MMP16: variants seen among roughly 807,000 people sequenced by gnomAD.
MMP16 encodes matrix metalloproteinase-16.
MMP16 carries 12 observed loss-of-function variants against 67.8 expected under a neutral mutation model. That is an observed-to-expected ratio of 0.18 (90% CI 0.11 to 0.29). The LOEUF (loss-of-function observed/expected upper bound fraction) is 0.29, where lower values mean the gene tolerates loss of function less well. MMP16 is among the 10% of genes least tolerant of loss of function. MMP16 has a pLI of 1.00. For missense variants in MMP16, 475 were observed against 765.7 expected, an observed-to-expected ratio of 0.62 and a Z score of 4.48; for synonymous variants, 249 against 255.9, an observed-to-expected ratio of 0.97 and a Z score of 0.26.
rs182641793 is a variant in MMP16, at chr8:88,156,906, T to C, written c.709+10763A>G. On this transcript the variant is annotated intron_variant, in intron 4 of 9. Transcript: ENST00000286614. ...ATAATGGATAATAGGGCAAAATATG[T>C]ATGAATTATGATTAAGCAACTTACC... Among the ~76,000 whole-genome samples the C allele has an allele frequency of 9.9e-4, 151 of 152,228 alleles. 2 individuals are homozygous for C. Among genetic ancestry groups the C allele is most frequent in the African/African-American group, 3.4e-3 (140 of 41,554 alleles).
chr8:88,220,780 C>T (rs1167557641), intron 1 of MMP16, among the ~76,000 whole-genome samples: 1 of 152,064 alleles, frequency 6.6e-6, no homozygotes. Flanking sequence ...CTCTGTTCCA[C>T]CCAAACTATT....
intron 4 of MMP16, among the ~76,000 whole-genome samples, chr8:88,155,722 G>T (rs979090060): frequency 1.3e-5 from 2 of 152,188 alleles, no homozygotes; most frequent in South Asian, 2.1e-4. Flanking sequence ...CCACATGACA[G>T]ATTCAGTTTG....
chr8:88,141,356 T>C (rs1318616909), intron 4 of MMP16, among the ~76,000 whole-genome samples: 1 of 152,162 alleles, frequency 6.6e-6, no homozygotes, highest in Non-Finnish European at 1.5e-5. Context: ...TAAGAAAGTA[T>C]ATAAATCAGT....
chr8:88,265,232 T>TTTTTTTC, intron 1 of MMP16, among the ~76,000 whole-genome samples: 1 of 146,632 alleles, frequency 6.8e-6, no homozygotes, highest in Non-Finnish European at 1.5e-5. Flanking sequence ...CCTTTTTTTT[T>TTTTTTTC]TTTTTTTTTT....
At chr8:88,240,194 A>G (rs1432462651) in intron 1 of MMP16, among the ~76,000 whole-genome samples, 2 of 152,238 alleles carry the variant, frequency 1.3e-5, no homozygotes, top group African/African-American at 2.4e-5. Flanking sequence ...CCTAAGGTCA[A>G]CTGGTCACTA....
At chr8:88,234,060 T>G (rs1809904188) in intron 1 of MMP16, among the ~76,000 whole-genome samples, 1 of 152,214 alleles carries the variant, frequency 6.6e-6, no homozygotes, top group Non-Finnish European at 1.5e-5. Flanking sequence ...AACCTAGCAA[T>G]GAATCATTAA....
intron 4 of MMP16, among the ~76,000 whole-genome samples, chr8:88,149,688 A>T (rs1323772357): frequency 4.6e-5 from 7 of 151,666 alleles, no homozygotes; most frequent in African/African-American, 1.7e-4. Context: ...CAGAAAGGAC[A>T]TCCACACCAA....
intron 4 of MMP16, among the ~76,000 whole-genome samples, chr8:88,159,241 A>G (rs954498700): frequency 6.6e-6 from 1 of 152,132 alleles, no homozygotes; most frequent in African/African-American, 2.4e-5. Flanking sequence ...CATTGAATCT[A>G]TAAATTACCT....
chr8:88,100,397 C>T (rs888841718), intron 6 of MMP16, among the ~76,000 whole-genome samples: 2 of 151,920 alleles, frequency 1.3e-5, no homozygotes, highest in Admixed American at 6.6e-5. Context: ...CACTGGTCAT[C>T]AGAGAAATGC....
At chr8:88,196,444 T>A (rs1415631344) in intron 2 of MMP16, among the ~76,000 whole-genome samples, 1 of 152,152 alleles carries the variant, frequency 6.6e-6, no homozygotes, top group Non-Finnish European at 1.5e-5. Flanking sequence ...TAAGCTCCTT[T>A]GATGAAGAGA....
At chr8:88,162,481 A>T (rs926153666) in intron 4 of MMP16, among the ~76,000 whole-genome samples, 1 of 152,068 alleles carries the variant, frequency 6.6e-6, no homozygotes, top group Non-Finnish European at 1.5e-5. Flanking sequence ...AATCTTAATA[A>T]GTTATCTTAC....
chr8:88,300,052 T>C (rs1811073701), intron 1 of MMP16, among the ~76,000 whole-genome samples: 1 of 152,172 alleles, frequency 6.6e-6, no homozygotes. Context: ...CCAAGAAACA[T>C]ACACATTAAA....
At chr8:88,255,480 GAC>G (rs1178201699) in intron 1 of MMP16, among the ~76,000 whole-genome samples, 1 of 152,006 alleles carries the variant, frequency 6.6e-6, no homozygotes, top group African/African-American at 2.4e-5. Flanking sequence ...CAAACTCGAA[GAC>G]ACACACACAA....
intron 1 of MMP16, among the ~76,000 whole-genome samples, chr8:88,210,638 C>G (rs1213921585): frequency 6.6e-6 from 1 of 152,126 alleles, no homozygotes; most frequent in African/African-American, 2.4e-5. Flanking sequence ...AGATTAGCAG[C>G]TTCCCAGGCA....
chr8:88,133,641 C>T (rs1808070311), intron 4 of MMP16, among the ~76,000 whole-genome samples: 1 of 151,728 alleles, frequency 6.6e-6, no homozygotes, highest in Admixed American at 6.6e-5. Context: ...ATATTAATGA[C>T]TCTTAAGTCT....
intron 6 of MMP16, among the ~76,000 whole-genome samples, chr8:88,083,153 T>G (rs1399881961): frequency 1.3e-5 from 2 of 152,090 alleles, no homozygotes; most frequent in African/African-American, 4.8e-5. Context: ...TTAATTAATG[T>G]TACATTTGGA....
intron 6 of MMP16, among the ~76,000 whole-genome samples, chr8:88,080,089 C>T (rs923260289): frequency 3.3e-5 from 5 of 152,172 alleles, no homozygotes; most frequent in African/African-American, 1.2e-4. Context: ...GTCATTTCTT[C>T]CACCTACTCC....
At chr8:88,265,161 T>A (rs1474582952) in intron 1 of MMP16, among the ~76,000 whole-genome samples, 2 of 151,270 alleles carry the variant, frequency 1.3e-5, no homozygotes, top group Non-Finnish European at 2.9e-5. Flanking sequence ...TGAGTATTGA[T>A]TCTCACCAGC....
intron 1 of MMP16, among the ~76,000 whole-genome samples, chr8:88,315,368 C>T (rs1477079620): frequency 6.6e-6 from 1 of 151,880 alleles, no homozygotes; most frequent in East Asian, 1.9e-4. Flanking sequence ...TAACACCTAC[C>T]AAATTTATTT....
Sources: gnomAD v4.1 joint callset for allele counts (sites outside exome capture counted in the v4.1 genomes callset) on GRCh38, gnomAD v4.1.1 for gene constraint, MANE v1.5 for transcripts, NCBI Gene and HGNC (gene_info 2026-07-23, HGNC 2026-07-21) for gene names.